Variants in SORT1 observed in about 807,000 individuals in gnomAD.
SORT1 encodes sortilin.
SORT1 carries 39 observed loss-of-function variants against 101.7 expected under a neutral mutation model. The observed-to-expected ratio is 0.38, with a 90% CI of 0.30 to 0.50. The LOEUF (loss-of-function observed/expected upper bound fraction) is 0.50, where lower values mean the gene tolerates loss of function less well. Ranked by LOEUF, SORT1 falls within the 20% of genes least tolerant of loss-of-function variation. SORT1 has a pLI of 0.90. For missense variants in SORT1, 878 were observed against 1,040.4 expected, an observed-to-expected ratio of 0.84 and a Z score of 2.15; for synonymous variants, 396 against 393.7, an observed-to-expected ratio of 1.01 and a Z score of -0.07.
At chr1:109,392,196 C>T (rs994318571) in intron 1 of SORT1, among the ~76,000 whole-genome samples, 19 of 152,052 alleles carry the variant, frequency 1.2e-4, no homozygotes, top group Non-Finnish European at 7.4e-5. Context: ...AACGTTACTC[C>T]CCCGTCCTGA....
intron 11 of SORT1, among the ~76,000 whole-genome samples, chr1:109,328,848 T>C (rs1174929627): frequency 6.6e-6 from 1 of 152,186 alleles, no homozygotes; most frequent in African/African-American, 2.4e-5. Context: ...AGGTCCACTC[T>C]CACAGACCCA....
chr1:109,334,909 A>G (rs1648709268), intron 11 of SORT1, among the ~76,000 whole-genome samples: 1 of 152,234 alleles, frequency 6.6e-6, no homozygotes, highest in African/African-American at 2.4e-5. Context: ...CAAAATGGCT[A>G]AAATGATAAT....
At chr1:109,321,378 T>A (rs147480988) in intron 15 of SORT1, among the ~76,000 whole-genome samples, 1 of 152,150 alleles carries the variant, frequency 6.6e-6, no homozygotes, top group Non-Finnish European at 1.5e-5. Flanking sequence ...AGAGGGAGCA[T>A]CATGTGCGGT....
At chr1:109,320,154 T>C (rs777976755) in intron 15 of SORT1, among the ~76,000 whole-genome samples, 2 of 152,184 alleles carry the variant, frequency 1.3e-5, no homozygotes, top group African/African-American at 2.4e-5. Flanking sequence ...TCTCTTACTT[T>C]TTCTCTATCT....
chr1:109,386,841 T>G (rs1054675180), intron 1 of SORT1, among the ~76,000 whole-genome samples: 7 of 151,750 alleles, frequency 4.6e-5, no homozygotes, highest in Admixed American at 2.0e-4. Context: ...CAGAGATCAG[T>G]AGAGTGCAAA....
At chr1:109,370,681 A>G (rs1233968998) in intron 1 of SORT1, among the ~76,000 whole-genome samples, 1 of 152,166 alleles carries the variant, frequency 6.6e-6, no homozygotes, top group East Asian at 1.9e-4. Context: ...AAGACTTATA[A>G]TCTTACTAAG....
chr1:109,322,217 C>A (rs1647681960), intron 15 of SORT1, among the ~76,000 whole-genome samples: 1 of 151,944 alleles, frequency 6.6e-6, no homozygotes, highest in Non-Finnish European at 1.5e-5. Flanking sequence ...GGATTACAGG[C>A]ATGAGCCACC....
chr1:109,381,339 A>C (rs1429230191), intron 1 of SORT1, among the ~76,000 whole-genome samples: 1 of 152,210 alleles, frequency 6.6e-6, no homozygotes, highest in African/African-American at 2.4e-5. Flanking sequence ...GTATATTATA[A>C]ATGAAGAACT....
Position 109,316,948 on chromosome 1 carries a change from T to C in SORT1, c.2152A>G (p.Ile718Val), listed in dbSNP as rs1647259159. 2 of 1,606,070 alleles carry C rather than the reference T, an allele frequency of 1.2e-6. No homozygotes were observed. The highest frequency in any genetic ancestry group is 2.7e-5 in the African/African-American group (2 of 74,698). ...CCACCCTGGCATTTGTCCCCTGGAA[T>C]TTTCCGGTACCTACCAGGCAAAGAA... ...EHLTTNGYRK[I>V]PGDKCQGGVN... is the part of the protein sequence containing the mutation. The change falls in exon 17 of 20, where the codon ATT (isoleucine) becomes GTT (valine). Residue 718 changes from isoleucine (I) to valine (V), a missense_variant. By Grantham distance (29) the Ile-to-Val change is conservative (BLOSUM62 3). This residue lies in a region of SORT1 where 684 missense variants were observed against 894.5 expected (regional missense o/e 0.76). Transcript: ENST00000256637.
chr1:109,394,238 T>C (rs1653067647), intron 1 of SORT1, among the ~76,000 whole-genome samples: 1 of 152,226 alleles, frequency 6.6e-6, no homozygotes, highest in Non-Finnish European at 1.5e-5. Context: ...CACTTTCCCA[T>C]GAGTCTATTA....
chr1:109,391,280 A>C (rs1293802873), intron 1 of SORT1, among the ~76,000 whole-genome samples: 2 of 152,188 alleles, frequency 1.3e-5, no homozygotes, highest in African/African-American at 2.4e-5. Context: ...GTGGTAGTAA[A>C]ACACCCCTAA....
intron 1 of SORT1, among the ~76,000 whole-genome samples, chr1:109,395,332 T>C (rs1376348081): frequency 1.3e-5 from 2 of 148,184 alleles, no homozygotes; most frequent in East Asian, 4.0e-4. Context: ...GTGATCGTCA[T>C]GCCTCAGCCT....
At chr1:109,324,133 T>C (rs941449349) in intron 14 of SORT1, among the ~76,000 whole-genome samples, 1 of 74,874 alleles carries the variant, frequency 1.3e-5, no homozygotes, top group African/African-American at 3.8e-5. Context: ...TTTATCCCCC[T>C]TCTTTTTTTT....
intron 11 of SORT1, among the ~76,000 whole-genome samples, chr1:109,330,484 A>C (rs1648389171): frequency 6.6e-6 from 1 of 152,248 alleles, no homozygotes; most frequent in African/African-American, 2.4e-5. Flanking sequence ...CAGCAAAAGC[A>C]GTTCTAAGAA....
At chr1:109,346,831 T>C (rs968459662) in intron 7 of SORT1, among the ~76,000 whole-genome samples, 4 of 151,926 alleles carry the variant, frequency 2.6e-5, no homozygotes, top group East Asian at 1.9e-4. Flanking sequence ...TTTTAAATTG[T>C]CTTGAGTTTT....
At chr1:109,367,268 G>C in intron 3 of SORT1, 140 bp downstream of exon 3, 1 of 603,898 alleles carries the variant, frequency 1.7e-6, no homozygotes, top group Non-Finnish European at 3.0e-6. Flanking sequence ...CATGTGCTGA[G>C]TGTGACAGTC....
chr1:109,392,654 TC>T, intron 1 of SORT1: 3 of 985,154 alleles, frequency 3.0e-6, no homozygotes, highest in Middle Eastern at 5.2e-4. Flanking sequence ...TCTACTCTCA[TC>T]CCAACCAAAC....
intron 1 of SORT1, chr1:109,392,542 A>T: frequency 1.1e-6 from 1 of 902,932 alleles, no homozygotes; most frequent in Non-Finnish European, 1.3e-6. Flanking sequence ...ATTTCTAATT[A>T]AAAATCACTG....
intron 3 of SORT1, among the ~76,000 whole-genome samples, chr1:109,358,285 T>C (rs1234458640): frequency 2.0e-5 from 3 of 152,192 alleles, no homozygotes; most frequent in African/African-American, 7.2e-5. Context: ...TATTTAAATG[T>C]AGCTTTATTT....
Sources: gnomAD v4.1 joint callset for allele counts (sites outside exome capture counted in the v4.1 genomes callset) on GRCh38, gnomAD v4.1.1 for gene constraint, gnomAD v4.1.1 regional missense constraint, MANE v1.5 for transcripts, NCBI Gene and HGNC (gene_info 2026-07-23, HGNC 2026-07-21) for gene names.